Variants in CCDC33 observed in about 807,000 individuals in gnomAD.
CCDC33 encodes the protein coiled-coil domain containing 33.
In CCDC33, 94 loss-of-function variants were observed where a neutral mutation model predicts 91.9. The ratio of observed to expected loss-of-function variants is 1.02; its 90% CI spans 0.87 to 1.21. The LOEUF (loss-of-function observed/expected upper bound fraction) is 1.21. Among genes scored for constraint, CCDC33 ranks in the 50% most tolerant of loss-of-function variants. The probability of loss-of-function intolerance (pLI) is 0.00; values close to 1 mark genes in which losing one functional copy is unlikely to be tolerated. For synonymous variants in CCDC33, 396 were observed against 374.5 expected (o/e 1.06, Z -0.66); for missense variants, 940 against 935.5 (o/e 1.00, Z -0.06).
intron 1 of CCDC33, among the ~76,000 whole-genome samples, chr15:74,205,312 T>C (rs979909281): frequency 1.3e-5 from 2 of 152,172 alleles, no homozygotes; most frequent in African/African-American, 4.8e-5. Flanking sequence ...CTCACAGTTC[T>C]GCAGGCTGTG....
intron 11 of CCDC33, among the ~76,000 whole-genome samples, chr15:74,326,635 T>C (rs1191900617): frequency 1.3e-5 from 2 of 152,140 alleles, no homozygotes; most frequent in African/African-American, 2.4e-5. Context: ...GGGTCTTGGA[T>C]GGGGAAAGCG....
Position 74,333,925 on chromosome 15 carries a change from G to A in CCDC33, c.1983G>A (p.Lys661=). The change falls in exon 17 of 19, where the codon AAG becomes AAA. Residue 661 remains lysine (K), a synonymous_variant. Coordinates refer to ENST00000398814, the MANE Select transcript of CCDC33 (RefSeq NM_025055.5). ...GTSDKFNLLA[K]LEHAQSRILS... ...CAGACAAGTTCAACCTCCTGGCCAA[G>A]CTGGAACACGCTCAGAGCCGGATCC... 1 of 1,613,744 alleles carries A rather than the reference G, an allele frequency of 6.2e-7. No homozygotes were observed. Among genetic ancestry groups the A allele is most frequent in the Non-Finnish European group, 8.5e-7 (1 of 1,179,732 alleles).
chr15:74,261,333 G>A (rs35446829), intron 2 of CCDC33, among the ~76,000 whole-genome samples: 2,770 of 152,340 alleles, frequency 0.018, 44 homozygotes, highest in Non-Finnish European at 0.028. Flanking sequence ...GAGGGCCGGG[G>A]GACTCCAGAG....
intron 10 of CCDC33, among the ~76,000 whole-genome samples, chr15:74,293,211 C>A (rs1045400654): frequency 6.6e-6 from 1 of 152,202 alleles, no homozygotes; most frequent in Non-Finnish European, 1.5e-5. Flanking sequence ...ATTACTTCTA[C>A]TTCCTCTCCT....
In CCDC33 at chr15:74,244,714, C is replaced by T. The variant is rs148232879; in HGVS notation, c.185+566C>T. ...CCCAGCCTGGCACCAAGGCCTGCCA[C>T]GCCACGTCTATGCCCACCTCACGGG... is the stretch of plus-strand genomic sequence containing the variant. On this transcript the variant is annotated intron_variant, in intron 2 of 18. Coordinates refer to ENST00000398814, the MANE Select transcript of CCDC33 (RefSeq NM_025055.5). This position sits in a 1 kb window ranked among gnomAD's most constrained non-coding sequence, Gnocchi z 4.2. 1.1e-3 allele frequency among the ~76,000 whole-genome samples: 168 copies of T among 152,318 alleles called. No homozygotes were observed. The highest frequency in any genetic ancestry group is 3.9e-3 in the African/African-American group (162 of 41,568).
At chr15:74,318,455 C>CTGGA in intron 11 of CCDC33, 1 of 555,226 alleles carries the variant, frequency 1.8e-6, no homozygotes, top group Non-Finnish European at 3.2e-6. Context: ...ACCCCCCACC[C>CTGGA]TGGAACAAAG....
At chr15:74,280,147 A>C in intron 8 of CCDC33, 55 bp downstream of exon 8, 1 of 1,603,610 alleles carries the variant, frequency 6.2e-7, no homozygotes, top group Non-Finnish European at 8.5e-7. Context: ...GATCTGTATT[A>C]TGAAAGGGTG....
At chr15:74,318,093 G>T (rs1202997795) in intron 11 of CCDC33, among the ~76,000 whole-genome samples, 2 of 150,742 alleles carry the variant, frequency 1.3e-5, no homozygotes, top group Non-Finnish European at 3.0e-5. Flanking sequence ...CTGCGGGGTG[G>T]GGAGGACTCC....
intron 2 of CCDC33, among the ~76,000 whole-genome samples, chr15:74,256,387 C>T (rs571268479): frequency 2.8e-4 from 42 of 151,394 alleles, no homozygotes; most frequent in African/African-American, 6.1e-4. Context: ...GTCTGGCCCA[C>T]GTTCCTCCTG....
intron 7 of CCDC33, among the ~76,000 whole-genome samples, chr15:74,273,615 C>T (rs1346535728): frequency 1.3e-5 from 2 of 151,836 alleles, no homozygotes; most frequent in South Asian, 2.1e-4. Flanking sequence ...CTTATAGGCA[C>T]ATGCCACCAT....
rs544438761 is a variant in CCDC33 at position 74,333,240 on chromosome 15, G to A, written c.1938+395G>A. 5 of 1,598,772 alleles carry A rather than the reference G, an allele frequency of 3.1e-6. No individual in the cohort carries two copies. In the African/African-American group the frequency reaches 6.7e-5, roughly 21 times the overall value. ...TCCCAGGTGGACCCCGGGGAGTTGG[G>A]AGCAGGAGGAGACTTGACAGAGAGG... On this transcript the variant is annotated intron_variant, in intron 16 of 18. Transcript: ENST00000398814.
At chr15:74,215,882 AAAAAAAAGAAAGAAAG>A (rs777124068), upstream of CCDC33, among the ~76,000 whole-genome samples, 34 of 148,540 alleles carry the variant, frequency 2.3e-4, 1 homozygote, top group South Asian at 3.3e-3. Context: ...ACCAAAAAAA[AAAAAAAAGAAAGAAAG>A]AAAGAAAGAA....
At chr15:74,296,065 C>A in intron 11 of CCDC33, 117 bp downstream of exon 11, 1 of 826,568 alleles carries the variant, frequency 1.2e-6, no homozygotes, top group Non-Finnish European at 1.9e-6. Flanking sequence ...ACCTCCCTCC[C>A]CTTAGGCACA....
At chr15:74,317,818 A>G (rs544181582) in intron 11 of CCDC33, among the ~76,000 whole-genome samples, 36 of 149,206 alleles carry the variant, frequency 2.4e-4, no homozygotes, top group African/African-American at 8.2e-4. Flanking sequence ...GGCTGAAGCC[A>G]GTTATATCAG....
chr15:74,302,262 G>T (rs2059810369), intron 11 of CCDC33: 1 of 152,270 alleles, frequency 6.6e-6, no homozygotes, highest in African/African-American at 2.4e-5. Context: ...CGGAGGTGTA[G>T]GTTGACTTCA....
At chr15:74,247,164 AAAAAG>A (rs943927276) in intron 2 of CCDC33, among the ~76,000 whole-genome samples, 5 of 151,368 alleles carry the variant, frequency 3.3e-5, no homozygotes, top group African/African-American at 1.2e-4. Flanking sequence ...AAAGTAAAAG[AAAAAG>A]AAAAGAAAAG....
At chr15:74,301,967 G>C (rs1202305253) in intron 11 of CCDC33, 1 of 151,824 alleles carries the variant, frequency 6.6e-6, no homozygotes, top group East Asian at 1.9e-4. Context: ...TGGCAGACCA[G>C]AGGGCCCTCA....
intron 2 of CCDC33, among the ~76,000 whole-genome samples, chr15:74,245,754 G>A (rs932329184): frequency 6.6e-6 from 1 of 152,042 alleles, no homozygotes; most frequent in African/African-American, 2.4e-5. Flanking sequence ...TGGGGCGGGA[G>A]GGTGGGGACA....
At chr15:74,253,414 T>G (rs904799767) in intron 2 of CCDC33, among the ~76,000 whole-genome samples, 3 of 152,238 alleles carry the variant, frequency 2.0e-5, no homozygotes, top group Non-Finnish European at 4.4e-5. Flanking sequence ...GCTGGGGCTC[T>G]GGGCACCGAT....
Sources: gnomAD v4.1 joint callset for allele counts (sites outside exome capture counted in the v4.1 genomes callset) on GRCh38, gnomAD v4.1.1 for gene constraint, Gnocchi (gnomAD v3.1) non-coding constraint, MANE v1.5 for transcripts, NCBI Gene and HGNC (gene_info 2026-07-23, HGNC 2026-07-21) for gene names.